Variants in MEIS3 observed in about 807,000 individuals in gnomAD.
The protein encoded by MEIS3 is Meis homeobox 3.
MEIS3 carries 38 observed loss-of-function variants against 51.4 expected under a neutral mutation model. The ratio of observed to expected loss-of-function variants is 0.74; its 90% CI spans 0.57 to 0.97. The LOEUF is 0.97. MEIS3 is among the 50% of genes least tolerant of loss of function. The pLI is 0.00. For missense variants in MEIS3, 456 were observed against 502.6 expected, an observed-to-expected ratio of 0.91 and a Z score of 0.89; for synonymous variants, 198 against 201.8, an observed-to-expected ratio of 0.98 and a Z score of 0.16.
chr19:47,407,213 C>A, intron 9 of MEIS3, 76 bp from the exon 10 acceptor site: 1 of 1,523,508 alleles, frequency 6.6e-7, no homozygotes, highest in Non-Finnish European at 8.8e-7. Flanking sequence ...ACAGAGCGGG[C>A]CGGAGGACAG....
intron 4 of MEIS3, among the ~76,000 whole-genome samples, chr19:47,415,397 C>A (rs1206286956): frequency 6.6e-6 from 1 of 151,976 alleles, no homozygotes; most frequent in Non-Finnish European, 1.5e-5. Context: ...GCCATGCTGA[C>A]TGGCATTCCC....
upstream of MEIS3, among the ~76,000 whole-genome samples, chr19:47,421,670 GTC>G (rs1184645196): frequency 2.6e-5 from 4 of 151,688 alleles, no homozygotes; most frequent in Admixed American, 2.0e-4. Context: ...AAGACAGGCC[GTC>G]TCTGTCTCCA....
At position 47,407,074 on chromosome 19, in the gene MEIS3, T is replaced by C. The variant is rs771989522; in HGVS notation, c.994+5A>G. On this transcript the variant is annotated splice_donor_5th_base_variant and intron_variant, in intron 10 of 12. Coordinates refer to ENST00000558555, the MANE Select transcript of MEIS3 (RefSeq NM_001301059.2). ...AGGCTCTCCGTCCCCGCCTTCCCCC[T>C]GTACCTGTGCGGTTGGATTGATCGA... is the stretch of plus-strand genomic sequence containing the variant. The C allele has an allele frequency of 6.2e-7, 1 of 1,609,872 alleles. No homozygotes were observed. The highest frequency in any genetic ancestry group is 1.7e-5 in the Admixed American group (1 of 59,222).
At chr19:47,420,638 C>G (rs115608006), upstream of MEIS3, among the ~76,000 whole-genome samples, 7,551 of 148,598 alleles carry the variant, frequency 0.051, 646 homozygotes, top group African/African-American at 0.18. Context: ...AATAGAGACC[C>G]TGGAGTCGTC....
chr19:47,406,935 A>T lies in MEIS3; in HGVS notation c.1031T>A (p.Ile344Asn), dbSNP rs141913873. Residue 344 changes from isoleucine to asparagine, a missense_variant, in exon 11 of 13, where the codon ATC becomes AAC. Coordinates refer to ENST00000558555, the MANE Select transcript of MEIS3 (RefSeq NM_001301059.2). ...TGGCTGCGTCTCGGTATAGCCCCCG[A>T]TGGGCTGGCCCTCTGGGCTGAAGGC... ...GAAFSPEGQP[I>N]GGYTETQPHV... The T allele has an allele frequency of 1.3e-5, 21 of 1,579,428 alleles. No homozygotes were observed. Among genetic ancestry groups the T allele is most frequent in the Non-Finnish European group, 1.7e-5 (20 of 1,164,026 alleles).
At chr19:47,404,349 T>C (rs555082746) in intron 12 of MEIS3, among the ~76,000 whole-genome samples, 52 of 152,204 alleles carry the variant, frequency 3.4e-4, no homozygotes, top group Admixed American at 3.4e-3. Flanking sequence ...CTGGCCTGGA[T>C]ACGCCTGCCC....
chr19:47,406,998 C>T (rs374902572), intron 10 of MEIS3, 27 bp from the exon 11 acceptor site: 221 of 1,574,084 alleles, frequency 1.4e-4, no homozygotes, highest in Non-Finnish European at 1.8e-4. Flanking sequence ...GAGGTGCAGG[C>T]TGAGCCCCAG....
chr19:47,408,658 T>C (rs1448716952), intron 8 of MEIS3, among the ~76,000 whole-genome samples: 1 of 152,066 alleles, frequency 6.6e-6, no homozygotes, highest in African/African-American at 2.4e-5. Context: ...TCTATTTTTC[T>C]CCTCTGTCCT....
In MEIS3 at chr19:47,415,115, CGGGAGGTGGG is replaced by C; in HGVS notation, c.397-24_397-15del. ...GGCCTGGATCATCTGAAAACGTGGG[CGGGAGGTGGG>C]GGGAGACAGAGGGAATTGGGGGAGG... is the stretch of plus-strand genomic sequence containing the variant. On this transcript the variant is annotated splice_polypyrimidine_tract_variant and intron_variant, in intron 4 of 12. Coordinates refer to ENST00000558555, the MANE Select transcript of MEIS3 (RefSeq NM_001301059.2). 1 of 531,438 alleles carries C rather than the reference CGGGAGGTGGG, an allele frequency of 1.9e-6. No homozygotes were observed. The highest frequency in any genetic ancestry group is 2.3e-6 in the Non-Finnish European group (1 of 427,450). 32.9% of individuals were successfully genotyped at this position (531,438 alleles called of 1,614,324 possible).
At chr19:47,405,208 G>A (rs182322390) in intron 12 of MEIS3, among the ~76,000 whole-genome samples, 10 of 152,214 alleles carry the variant, frequency 6.6e-5, no homozygotes, top group East Asian at 1.9e-4. Flanking sequence ...CTCCCCTTTC[G>A]GGATCGTTGT....
chr19:47,405,096 A>C (rs1396272861), intron 12 of MEIS3, among the ~76,000 whole-genome samples: 3 of 152,214 alleles, frequency 2.0e-5, no homozygotes, highest in Non-Finnish European at 4.4e-5. Context: ...GCCTTTGCAC[A>C]TGCTGTTCCC....
chr19:47,406,272 AGGATGGATGGAT>A (rs140024451), intron 12 of MEIS3, 176 bp downstream of exon 12: 9 of 513,828 alleles, frequency 1.8e-5, no homozygotes, highest in Non-Finnish European at 3.1e-5. Context: ...ATGGAGGAGG[AGGATGGATGGAT>A]GGATGGATGG....
chr19:47,406,405 G>C, intron 12 of MEIS3, 55 bp downstream of exon 12: 3 of 1,497,096 alleles, frequency 2.0e-6, no homozygotes, highest in Non-Finnish European at 2.8e-6. Flanking sequence ...TTGGAGTCCT[G>C]AGGTCTAATG....
upstream of MEIS3, among the ~76,000 whole-genome samples, chr19:47,421,357 G>A (rs940761682): frequency 1.3e-5 from 2 of 152,138 alleles, no homozygotes; most frequent in Admixed American, 1.3e-4. Flanking sequence ...GCCCCAACCT[G>A]AGCACCGACC....
rs536518541 is a variant in MEIS3, at chr19:47,409,321, C to T, written c.710-74G>A. 5 of 1,580,418 alleles carry T rather than the reference C, an allele frequency of 3.2e-6. No individual in the cohort carries two copies. In the South Asian group the frequency reaches 3.4e-5, roughly 11 times the overall value. On this transcript the variant is annotated intron_variant, in intron 7 of 12. Coordinates refer to ENST00000558555, the MANE Select transcript of MEIS3 (RefSeq NM_001301059.2). ...ACCAGAGGGCCCCAGAACTCTCCCC[C>T]AAGACAACACTCCACACCCCAGCCA...
At chr19:47,406,742 A>G (rs1478882107) in intron 11 of MEIS3, 146 bp downstream of exon 11, 7 of 871,586 alleles carry the variant, frequency 8.0e-6, no homozygotes, top group Non-Finnish European at 1.2e-5. Flanking sequence ...ATGGGGGACC[A>G]GGAAATCTGC....
upstream of MEIS3, among the ~76,000 whole-genome samples, chr19:47,421,072 G>A (rs1971702578): frequency 6.6e-6 from 1 of 151,794 alleles, no homozygotes; most frequent in African/African-American, 2.4e-5. Context: ...GGGTGCCTGT[G>A]TCACTGCGTC....
In MEIS3 at chr19:47,406,496, C is replaced by T. The variant is rs1366126235; in HGVS notation, c.1109G>A (p.Gly370Glu). ...GSVGMSLNLE[G>E]EWHYL ...CAGCCTCTATAGATAATGCCATTCT[C>T]CTTCCAAGTTCAAACTCATCCCCAC... Residue 370 changes from glycine (G) to glutamate (E), a missense_variant, in exon 12 of 13, where the codon GGA becomes GAA. Gly to Glu is a moderately conservative substitution (Grantham distance 98). Transcript: ENST00000558555. The T allele has an allele frequency of 6.2e-7, 1 of 1,613,946 alleles. No homozygotes were observed. Among genetic ancestry groups the T allele is most frequent in the African/African-American group, 1.3e-5 (1 of 74,972 alleles).
At chr19:47,410,450 C>CTCT (rs1971075019) in intron 6 of MEIS3, among the ~76,000 whole-genome samples, 1 of 131,354 alleles carries the variant, frequency 7.6e-6, no homozygotes. Flanking sequence ...GAGACTACGT[C>CTCT]TCAAAAAAAA....
Sources: allele counts gnomAD v4.1 joint callset (sites outside exome capture counted in the v4.1 genomes callset), GRCh38; gene constraint gnomAD v4.1.1; transcripts MANE v1.5; gene names NCBI Gene and HGNC (gene_info 2026-07-23, HGNC 2026-07-21).